The following RAPSN variants were observed in gnomAD, a reference collection of about 807,000 sequenced individuals.
RAPSN encodes the protein 43 kDa receptor-associated protein of the synapse.
Under a neutral mutation model 45.7 loss-of-function variants are expected in RAPSN, and 33 were observed. The observed-to-expected ratio is 0.72, with a 90% CI of 0.55 to 0.97. RAPSN has a LOEUF of 0.97. RAPSN is among the 50% of genes least tolerant of loss of function. The pLI is 0.00. For missense variants in RAPSN, 519 were observed against 559.4 expected (o/e 0.93, Z 0.73); for synonymous variants, 244 against 233.6 (o/e 1.04, Z -0.40).
Position 47,448,118 on chromosome 11 carries a change from C to T in RAPSN, c.225G>A (p.Glu75=), listed in dbSNP as rs147923114. Residue 75 remains glutamate, a synonymous_variant, in exon 2 of 8, where the codon GAG becomes GAA. Transcript: ENST00000298854. ...CCAGGAGGAAGTCGGCATCCTCCAG[C>T]TCCCGGGCCGTGTCGATCTGGACCA... is the stretch of plus-strand genomic sequence containing the variant. ...FAVVQIDTAR[E]LEDADFLLES... is the part of the protein sequence containing the mutation. 35 of 1,613,262 alleles carry T rather than the reference C, an allele frequency of 2.2e-5. No individual in the cohort carries two copies. The African/African-American group carries it at 4.4e-4, about 20-fold the overall frequency.
Position 47,438,785 on chromosome 11 carries a change from G to A in RAPSN, c.1113C>T (p.Gly371=), listed in dbSNP as rs150503333. The change falls in exon 7 of 8, where the codon GGC becomes GGT. Residue 371 remains glycine (G), a synonymous_variant. Coordinates refer to ENST00000298854, the MANE Select transcript of RAPSN (RefSeq NM_005055.5). ...LYCGLCGESI[G]EKNSRLQALP... is the part of the protein sequence containing the mutation. ...GGGCCTGCAGCCGGCTGTTCTTCTCGCCTATGGACTCGCCGCACAGGCCGC... is the reference window on the plus strand; with the variant it reads ...GGGCCTGCAGCCGGCTGTTCTTCTCACCTATGGACTCGCCGCACAGGCCGC... The A allele has an allele frequency of 1.4e-4, 225 of 1,568,688 alleles. No individual in the cohort carries two copies. Among genetic ancestry groups the A allele is most frequent in the Non-Finnish European group, 1.9e-4 (217 of 1,153,320 alleles).
intron 2 of RAPSN, among the ~76,000 whole-genome samples, chr11:47,445,114 C>T (rs1345889269): frequency 6.6e-6 from 1 of 150,966 alleles, no homozygotes; most frequent in Non-Finnish European, 1.5e-5. Context: ...GCCTGTAGTC[C>T]CAGCTACTCG....
rs145091752 is a variant in RAPSN at position 47,442,851 on chromosome 11, T to G, written c.532-37A>C. 853 of 1,610,708 alleles carry G rather than the reference T, an allele frequency of 5.3e-4. 3 individuals carry two copies. The African/African-American group carries it at 7.9e-3, about 15-fold the overall frequency. On this transcript the variant is annotated intron_variant, in intron 2 of 7. Coordinates refer to ENST00000298854, the MANE Select transcript of RAPSN (RefSeq NM_005055.5). ...ATGGAATGGAAGGAGGCAAACTGAG[T>G]GGCAGAGGCTGCCCCAAGTCAAGGG...
At position 47,438,006 on chromosome 11, in the gene RAPSN, C is replaced by A. The variant is rs1425380499; in HGVS notation, c.1208G>T (p.Arg403Leu). 2 of 1,550,424 alleles carry A rather than the reference C, an allele frequency of 1.3e-6. No homozygotes were observed. The highest frequency in any genetic ancestry group is 1.7e-6 in the Non-Finnish European group (2 of 1,146,972). ...AAAGCCAGGCTTCATGGATGAGCGG[C>A]GGCAGTTGGGACAGCTCCGGGTCCC... ...NNGTRSCPNC[R>L]RSSMKPGFV The change falls in exon 8 of 8, where the codon CGC (arginine) becomes CTC (leucine). Residue 403 changes from arginine (R) to leucine (L), a missense_variant. By Grantham distance (102) the Arg-to-Leu change is moderately radical. Transcript: ENST00000298854.
intron 2 of RAPSN, among the ~76,000 whole-genome samples, chr11:47,446,102 A>C (rs2076404282): frequency 6.6e-6 from 1 of 151,492 alleles, no homozygotes; most frequent in African/African-American, 2.4e-5. Flanking sequence ...TTCATTTTTA[A>C]AGTTTGGTGC....
chr11:47,448,588 TGAATCTGATG>T (rs1485422053), intron 1 of RAPSN, among the ~76,000 whole-genome samples, 175 bp downstream of exon 1: 71 of 152,346 alleles, frequency 4.7e-4, no homozygotes, highest in African/African-American at 1.6e-3. Context: ...GCCACAGGCC[TGAATCTGATG>T]CCAAGACTCA....
intron 2 of RAPSN, 151 bp from the exon 3 acceptor site, chr11:47,442,965 C>T (rs2076377707): frequency 2.2e-6 from 3 of 1,335,456 alleles, no homozygotes; most frequent in African/African-American, 1.5e-5. Context: ...AAGAGTGGCC[C>T]GGTAGAGGGA....
chr11:47,447,823 C>A lies in RAPSN; in HGVS notation c.520G>T (p.Ala174Ser), dbSNP rs2076420156. The change falls in exon 2 of 8, where the codon GCC becomes TCC. Residue 174 changes from alanine (A) to serine (S), a missense_variant. By Grantham distance (99) the Ala-to-Ser change is moderately conservative. Coordinates refer to ENST00000298854, the MANE Select transcript of RAPSN (RefSeq NM_005055.5). ...RVCCSLGSFY[A>S]QVKDYEKALF... is the part of the protein sequence containing the mutation. ...GGGTGCAGGCCCACCTTGACCTGGG[C>A]ATAGAAGCTGCCCAGGCTGCAGCAC... 6.2e-7 allele frequency: 1 copy of A among 1,612,174 alleles called. No individual in the cohort carries two copies. The highest frequency in any genetic ancestry group is 8.5e-7 in the Non-Finnish European group (1 of 1,179,348).
chr11:47,441,909 T>A lies in RAPSN; in HGVS notation c.703A>T (p.Ile235Phe), dbSNP rs1444996516. The A allele has an allele frequency of 1.3e-6, 2 of 1,567,588 alleles. No individual in the cohort carries two copies. The highest frequency in any genetic ancestry group is 2.8e-5 in the African/African-American group (2 of 72,438). The change falls in exon 4 of 8, where the codon ATC becomes TTC. Residue 235 changes from isoleucine to phenylalanine, a missense_variant. Physicochemically the swap from Ile to Phe is conservative, Grantham distance 21. Transcript: ENST00000298854. ...AMECCEESMK[I>F]ALQHGDRPLQ... ...GGCCGGTCCCCGTGCTGCAGCGCGATCTTCATAGACTCCTGCGAGGGAGGC... is the reference window on the plus strand; with the variant it reads ...GGCCGGTCCCCGTGCTGCAGCGCGAACTTCATAGACTCCTGCGAGGGAGGC...
chr11:47,442,334 G>T (rs966433080), intron 3 of RAPSN, among the ~76,000 whole-genome samples: 1 of 152,154 alleles, frequency 6.6e-6, no homozygotes, highest in Admixed American at 6.5e-5. Flanking sequence ...TCCTTCAGGG[G>T]TTCAGCTGTA....
chr11:47,443,270 C>A (rs898759297), intron 2 of RAPSN, among the ~76,000 whole-genome samples: 17 of 152,184 alleles, frequency 1.1e-4, no homozygotes, highest in Admixed American at 5.2e-4. Context: ...ACTGGCAGCA[C>A]AACAGGCTCA....
intron 2 of RAPSN, 72 bp from the exon 3 acceptor site, chr11:47,442,886 TAG>T: frequency 6.2e-7 from 1 of 1,603,548 alleles, no homozygotes; most frequent in South Asian, 1.1e-5. Context: ...GCTCCTGGGC[TAG>T]GTTTCTCTAA....
Position 47,449,088 on chromosome 11 carries a change from T to A in RAPSN, c.-124A>T. 2 of 1,219,162 alleles carry A rather than the reference T, an allele frequency of 1.6e-6. No homozygotes were observed. Among genetic ancestry groups the A allele is most frequent in the South Asian group, 2.5e-5 (2 of 80,094 alleles). 75.5% of individuals were successfully genotyped at this position (1,219,162 alleles called of 1,614,324 possible). A position where few individuals can be genotyped will look rare whatever the true frequency, so the allele number is the denominator to read the frequency against. Reference sequence around the variant, plus strand: ...ACGTGGGAACAAAAGCAGCGTCGGGTGGGAGCCGGAATGGGGCCTGGATGG... The same window carrying A: ...ACGTGGGAACAAAAGCAGCGTCGGGAGGGAGCCGGAATGGGGCCTGGATGG... On this transcript the variant is annotated 5_prime_UTR_variant, in exon 1 of 8. Coordinates refer to ENST00000298854, the MANE Select transcript of RAPSN (RefSeq NM_005055.5).
At chr11:47,438,667 G>C in intron 7 of RAPSN, 65 bp downstream of exon 7, 1 of 1,526,928 alleles carries the variant, frequency 6.5e-7, no homozygotes, top group South Asian at 1.2e-5. Context: ...GATTAAGCCA[G>C]CTGGGCCCTA....
chr11:47,443,121 C>T (rs1223972264), intron 2 of RAPSN, among the ~76,000 whole-genome samples: 2 of 152,204 alleles, frequency 1.3e-5, no homozygotes, highest in Non-Finnish European at 1.5e-5. Flanking sequence ...CAAGAAAACA[C>T]AGTTGGCTTC....
chr11:47,441,695 C>A lies in RAPSN; in HGVS notation c.828G>T (p.Met276Ile). Residue 276 changes from methionine to isoleucine, a missense_variant, in exon 5 of 8, where the codon ATG (methionine) becomes ATT (isoleucine). Met to Ile is a conservative substitution (Grantham distance 10). Transcript: ENST00000298854. Reference sequence around the variant, plus strand: ...GCCCCAGGCGGTTTCCGATCTCGGTCATGATGCTCATGGCGGAGTCGTACC... The same window carrying A: ...GCCCCAGGCGGTTTCCGATCTCGGTAATGATGCTCATGGCGGAGTCGTACC... The part of the protein sequence containing the change: ...FPRYDSAMSI[M>I]TEIGNRLGQV... 6.2e-7 allele frequency: 1 copy of A among 1,609,458 alleles called. No homozygotes were observed.
chr11:47,442,640 T>G lies in RAPSN; in HGVS notation c.690+16A>C. The stretch of plus-strand genomic sequence containing the variant: ...ACCACCTCATCCCCGACCTGCCCCC[T>G]TCCCCGCTGCCCCACCTCACAACAC... On this transcript the variant is annotated intron_variant, in intron 3 of 7. Coordinates refer to ENST00000298854, the MANE Select transcript of RAPSN (RefSeq NM_005055.5). 3 of 1,502,406 alleles carry G rather than the reference T, an allele frequency of 2.0e-6. No individual in the cohort carries two copies. The highest frequency in any genetic ancestry group is 2.7e-6 in the Non-Finnish European group (3 of 1,096,608). The allele number at this position is 1,502,406 out of a possible 1,614,324, so 93.1% of individuals were successfully genotyped here. A position where few individuals can be genotyped will look rare whatever the true frequency, so the allele number is the denominator to read the frequency against.
intron 1 of RAPSN, among the ~76,000 whole-genome samples, chr11:47,448,543 C>A (rs527652823): frequency 1.3e-5 from 2 of 152,046 alleles, no homozygotes; most frequent in South Asian, 4.1e-4. Flanking sequence ...GGCTGGAGAA[C>A]CTCAGTCTCA....
intron 7 of RAPSN, 36 bp from the exon 8 acceptor site, chr11:47,438,083 G>C: frequency 6.5e-7 from 1 of 1,548,278 alleles, no homozygotes; most frequent in African/African-American, 1.4e-5. Context: ...CTCCCCTGAG[G>C]CCTGTCCTTC....
Sources: allele counts gnomAD v4.1 joint callset (sites outside exome capture counted in the v4.1 genomes callset), GRCh38; gene constraint gnomAD v4.1.1; transcripts MANE v1.5; gene names NCBI Gene and HGNC (gene_info 2026-07-23, HGNC 2026-07-21).